Variants in LHFPL6 observed in about 807,000 individuals in gnomAD.
The protein encoded by LHFPL6 is LHFPL tetraspan subfamily member 6.
In LHFPL6, 9 loss-of-function variants were observed where a neutral mutation model predicts 20.6. The ratio of observed to expected loss-of-function variants is 0.44; its 90% CI spans 0.26 to 0.76. LHFPL6 has a LOEUF of 0.76. LHFPL6 is among the 30% of genes least tolerant of loss of function. The probability of loss-of-function intolerance (pLI) is 0.20; values close to 1 mark genes in which losing one functional copy is unlikely to be tolerated. For synonymous variants in LHFPL6, 105 were observed against 98.7 expected, an observed-to-expected ratio of 1.06 and a Z score of -0.38; for missense variants, 218 against 253.5, an observed-to-expected ratio of 0.86 and a Z score of 0.95.
intron 2 of LHFPL6, among the ~76,000 whole-genome samples, chr13:39,535,646 C>A (rs549649109): frequency 6.6e-6 from 1 of 152,318 alleles, no homozygotes; most frequent in East Asian, 1.9e-4. Context: ...TGTACACATT[C>A]TGCTTTACTA....
At chr13:39,478,418 T>A (rs150212515) in intron 2 of LHFPL6, among the ~76,000 whole-genome samples, 57 of 152,330 alleles carry the variant, frequency 3.7e-4, no homozygotes, top group African/African-American at 1.3e-3. Flanking sequence ...CAAACATTCC[T>A]ATATAGTTTG....
At chr13:39,535,209 A>G (rs1198938992) in intron 2 of LHFPL6, among the ~76,000 whole-genome samples, 1 of 152,256 alleles carries the variant, frequency 6.6e-6, no homozygotes, top group Non-Finnish European at 1.5e-5. Context: ...ACTTGATTAC[A>G]TCTAAACAAG....
At chr13:39,389,506 T>C (rs1213575074) in intron 2 of LHFPL6, among the ~76,000 whole-genome samples, 1 of 152,126 alleles carries the variant, frequency 6.6e-6, no homozygotes, top group Admixed American at 6.5e-5. Flanking sequence ...CAGAGAGTGA[T>C]TGGTCTGGAG....
At chr13:39,580,937 A>G (rs1872263230) in intron 2 of LHFPL6, among the ~76,000 whole-genome samples, 2 of 152,266 alleles carry the variant, frequency 1.3e-5, no homozygotes, top group South Asian at 4.1e-4. Context: ...GAACACACGA[A>G]TAAAGGTGGT....
intron 2 of LHFPL6, among the ~76,000 whole-genome samples, chr13:39,555,966 T>A (rs1250066117): frequency 6.6e-6 from 1 of 152,056 alleles, no homozygotes; most frequent in Admixed American, 6.6e-5. Flanking sequence ...TCACATGAGA[T>A]CTGGTTGTTT....
intron 3 of LHFPL6, among the ~76,000 whole-genome samples, chr13:39,374,440 G>A (rs1486153775): frequency 1.3e-5 from 2 of 152,100 alleles, no homozygotes; most frequent in African/African-American, 2.4e-5. Flanking sequence ...ATGCTCATTA[G>A]CTGGGTGATT....
At chr13:39,556,796 C>A (rs994751966) in intron 2 of LHFPL6, among the ~76,000 whole-genome samples, 6 of 152,126 alleles carry the variant, frequency 3.9e-5, no homozygotes, top group African/African-American at 1.4e-4. Flanking sequence ...CACTCCATCT[C>A]TACAAAAAAA....
At chr13:39,551,332 A>C (rs1055499416) in intron 2 of LHFPL6, among the ~76,000 whole-genome samples, 1 of 152,056 alleles carries the variant, frequency 6.6e-6, no homozygotes, top group African/African-American at 2.4e-5. Flanking sequence ...TTCACTTTAT[A>C]ACAACCCACT....
chr13:39,517,386 C>T (rs1869960139), intron 2 of LHFPL6, among the ~76,000 whole-genome samples: 2 of 142,154 alleles, frequency 1.4e-5, no homozygotes, highest in Non-Finnish European at 3.1e-5. Flanking sequence ...ATCAGATGAA[C>T]AATACTTTTT....
chr13:39,393,489 T>C lies in LHFPL6; in HGVS notation c.386-14963A>G, dbSNP rs114726248. Among the ~76,000 whole-genome samples, 811 of 152,250 alleles carry C rather than the reference T, an allele frequency of 5.3e-3. 10 individuals carry two copies. The highest frequency in any genetic ancestry group is 0.019 in the African/African-American group (772 of 41,534). On this transcript the variant is annotated intron_variant, in intron 2 of 3. Coordinates refer to ENST00000379589, the MANE Select transcript of LHFPL6 (RefSeq NM_005780.3). ...TAGGGGATGAGTACATTCTGAGAAG[T>C]AGACGTGGTCATCTCAGGTGAAGAG...
At chr13:39,511,176 A>G (rs1423577327) in intron 2 of LHFPL6, among the ~76,000 whole-genome samples, 1 of 152,052 alleles carries the variant, frequency 6.6e-6, no homozygotes. Flanking sequence ...CCTAGCCAAA[A>G]TATTTTCTTA....
At chr13:39,367,506 G>A (rs549566470) in intron 3 of LHFPL6, among the ~76,000 whole-genome samples, 1 of 152,240 alleles carries the variant, frequency 6.6e-6, no homozygotes, top group East Asian at 1.9e-4. Flanking sequence ...AAATACTTTC[G>A]TAGATAATGA....
At chr13:39,447,560 G>A (rs1872324929) in intron 2 of LHFPL6, among the ~76,000 whole-genome samples, 1 of 152,104 alleles carries the variant, frequency 6.6e-6, no homozygotes, top group African/African-American at 2.4e-5. Context: ...TAATTGATAA[G>A]ATCTGCAAGC....
intron 2 of LHFPL6, among the ~76,000 whole-genome samples, chr13:39,450,985 C>A (rs1872429066): frequency 6.6e-6 from 1 of 152,098 alleles, no homozygotes; most frequent in African/African-American, 2.4e-5. Flanking sequence ...CCCTCAATTA[C>A]CACAAATTTA....
intron 2 of LHFPL6, among the ~76,000 whole-genome samples, chr13:39,436,505 C>T (rs1179691187): frequency 6.6e-6 from 1 of 152,126 alleles, no homozygotes; most frequent in African/African-American, 2.4e-5. Flanking sequence ...TATTCAATCC[C>T]TTCCTTTCTT....
intron 2 of LHFPL6, among the ~76,000 whole-genome samples, chr13:39,438,761 T>C (rs1223792281): frequency 6.6e-6 from 1 of 152,220 alleles, no homozygotes; most frequent in Non-Finnish European, 1.5e-5. Flanking sequence ...TTTTTGAGGG[T>C]GAAAGCCTTA....
At chr13:39,472,472 C>T (rs1431995641) in intron 2 of LHFPL6, among the ~76,000 whole-genome samples, 5 of 152,176 alleles carry the variant, frequency 3.3e-5, no homozygotes, top group Non-Finnish European at 5.9e-5. Context: ...GACTTGTGCT[C>T]TGAAGTCTGA....
chr13:39,378,354 C>A (rs899980948), intron 3 of LHFPL6, 74 bp downstream of exon 3: 7 of 1,255,060 alleles, frequency 5.6e-6, no homozygotes, highest in Admixed American at 1.8e-5. Flanking sequence ...TGTCCCCTTT[C>A]CACTTTCTGC....
At chr13:39,579,664 T>C (rs1327231559) in intron 2 of LHFPL6, among the ~76,000 whole-genome samples, 2 of 152,202 alleles carry the variant, frequency 1.3e-5, no homozygotes, top group Non-Finnish European at 2.9e-5. Flanking sequence ...TTTATTTTGC[T>C]CAATTCCCCC....
Sources: allele counts gnomAD v4.1 joint callset (sites outside exome capture counted in the v4.1 genomes callset), GRCh38; gene constraint gnomAD v4.1.1; transcripts MANE v1.5; gene names NCBI Gene and HGNC (gene_info 2026-07-23, HGNC 2026-07-21).